ADAM23: variants seen among roughly 807,000 people sequenced by gnomAD.
ADAM23 encodes the protein ADAM metallopeptidase domain 23.
Under a neutral mutation model 120.1 loss-of-function variants are expected in ADAM23, and 33 were observed. The ratio of observed to expected loss-of-function variants is 0.27; its 90% CI spans 0.21 to 0.37. ADAM23 has a LOEUF of 0.37. ADAM23 is among the 10% of genes least tolerant of loss of function. The pLI is 1.00. For missense variants in ADAM23, 862 were observed against 1,058.2 expected (o/e 0.81, Z 2.57); for synonymous variants, 367 against 375.2 (o/e 0.98, Z 0.25).
chr2:206,458,239 G>A (rs150292807), intron 2 of ADAM23, among the ~76,000 whole-genome samples: 1,171 of 73,840 alleles, frequency 0.016, 16 homozygotes, highest in African/African-American at 0.058. Flanking sequence ...CACAGTGCCT[G>A]GCATACAGGA....
chr2:206,550,624 C>T (rs1248184110), intron 9 of ADAM23, among the ~76,000 whole-genome samples: 4 of 134,874 alleles, frequency 3.0e-5, no homozygotes, highest in Admixed American at 1.6e-4. Flanking sequence ...TTTTGTGAGA[C>T]GGAGTCTCGC....
intron 2 of ADAM23, among the ~76,000 whole-genome samples, chr2:206,472,769 C>CT (rs1695687143): frequency 6.6e-6 from 1 of 152,094 alleles, no homozygotes; most frequent in South Asian, 2.1e-4. Flanking sequence ...CCAAGCTTTC[C>CT]TTTTTTCTGT....
chr2:206,590,765 T>C (rs1698410530), intron 21 of ADAM23, among the ~76,000 whole-genome samples: 2 of 152,178 alleles, frequency 1.3e-5, no homozygotes, highest in African/African-American at 4.8e-5. Context: ...TTCCAAGGTG[T>C]TGATCCTCAG....
At chr2:206,523,554 T>A (rs1696887365) in intron 3 of ADAM23, among the ~76,000 whole-genome samples, 1 of 152,228 alleles carries the variant, frequency 6.6e-6, no homozygotes, top group Admixed American at 6.5e-5. Flanking sequence ...CTGTATTGTT[T>A]ACACTCAAAG....
intron 3 of ADAM23, among the ~76,000 whole-genome samples, chr2:206,511,846 A>G (rs1173644327): frequency 6.6e-6 from 1 of 152,172 alleles, no homozygotes; most frequent in Non-Finnish European, 1.5e-5. Context: ...TTATCTGTGC[A>G]AGGAATCCAA....
chr2:206,609,776 A>C, intron 24 of ADAM23, 134 bp from the exon 25 acceptor site: 1 of 685,944 alleles, frequency 1.5e-6, no homozygotes, highest in Non-Finnish European at 2.4e-6. Flanking sequence ...AAGCTAAGTA[A>C]ATAAAGGCAA....
chr2:206,599,492 A>G (rs577272059), intron 24 of ADAM23, among the ~76,000 whole-genome samples: 2 of 152,204 alleles, frequency 1.3e-5, no homozygotes, highest in Non-Finnish European at 2.9e-5. Context: ...ATATCTTTTT[A>G]ACCTCTATTT....
Position 206,548,343 on chromosome 2 carries a change from A to C in ADAM23, c.856A>C (p.Arg286=), listed in dbSNP as rs372850321. The change falls in exon 8 of 26, where the codon AGA becomes CGA. Residue 286 remains arginine (R), a synonymous_variant. Coordinates refer to ENST00000264377, the MANE Select transcript of ADAM23 (RefSeq NM_003812.4). ...SELQWLKRRK[R]AVNPSRGIFE... The stretch of plus-strand genomic sequence containing the variant: ...ATTACAGTGGTTGAAAAGAAGGAAG[A>C]GAGCAGTGAATGTGAGTGTGGCATT... 53 of 1,609,492 alleles carry C rather than the reference A, an allele frequency of 3.3e-5. No individual in the cohort carries two copies. The highest frequency in any genetic ancestry group is 4.0e-5 in the Non-Finnish European group (47 of 1,179,948).
At chr2:206,571,695 C>T (rs1197371623) in intron 16 of ADAM23, 32 bp from the exon 17 acceptor site, 3 of 1,553,190 alleles carry the variant, frequency 1.9e-6, no homozygotes, top group East Asian at 2.2e-5. Flanking sequence ...AGGTAAGGCT[C>T]TTCGCTTACT....
At chr2:206,486,902 A>T (rs1696024541) in intron 3 of ADAM23, among the ~76,000 whole-genome samples, 1 of 152,136 alleles carries the variant, frequency 6.6e-6, no homozygotes, top group South Asian at 2.1e-4. Flanking sequence ...CTTCTTCCTT[A>T]GGCCCCTGGT....
chr2:206,444,240 C>T (rs1300122874), intron 1 of ADAM23, among the ~76,000 whole-genome samples, 160 bp downstream of exon 1: 1 of 152,242 alleles, frequency 6.6e-6, no homozygotes, highest in East Asian at 1.9e-4. Flanking sequence ...AACCCCCATT[C>T]ATCCCAGTTC....
At chr2:206,486,267 C>G (rs1216282997) in intron 3 of ADAM23, among the ~76,000 whole-genome samples, 1 of 151,978 alleles carries the variant, frequency 6.6e-6, no homozygotes, top group African/African-American at 2.4e-5. Flanking sequence ...TTTAGTGTTT[C>G]CTCTAAAATA....
At chr2:206,542,995 A>G (rs923472953) in intron 5 of ADAM23, among the ~76,000 whole-genome samples, 1 of 152,226 alleles carries the variant, frequency 6.6e-6, no homozygotes, top group Non-Finnish European at 1.5e-5. Context: ...TGAATTTCAA[A>G]CATCAGTTAT....
chr2:206,519,146 C>A (rs1696795127), intron 3 of ADAM23, among the ~76,000 whole-genome samples: 1 of 152,116 alleles, frequency 6.6e-6, no homozygotes, highest in Non-Finnish European at 1.5e-5. Context: ...TCCTGGGTGC[C>A]TGTTTAGTTC....
intron 2 of ADAM23, among the ~76,000 whole-genome samples, chr2:206,467,495 C>G (rs1354958221): frequency 1.3e-5 from 2 of 152,238 alleles, no homozygotes; most frequent in African/African-American, 4.8e-5. Context: ...TGTCTCCCAT[C>G]CAGGGCACAC....
intron 18 of ADAM23, among the ~76,000 whole-genome samples, chr2:206,574,392 G>A (rs2105833894): frequency 6.7e-6 from 1 of 148,618 alleles, no homozygotes; most frequent in East Asian, 2.0e-4. Flanking sequence ...GGAAAGTTTG[G>A]TGTGGTTTTC....
At chr2:206,552,093 C>G (rs1697539314) in intron 9 of ADAM23, among the ~76,000 whole-genome samples, 1 of 152,098 alleles carries the variant, frequency 6.6e-6, no homozygotes, top group Non-Finnish European at 1.5e-5. Flanking sequence ...GATTCTCAAT[C>G]TTGAGCATTG....
intron 3 of ADAM23, among the ~76,000 whole-genome samples, chr2:206,528,349 G>C (rs1248259798): frequency 7.2e-5 from 11 of 152,154 alleles, no homozygotes. Flanking sequence ...TTCAGTAATT[G>C]TCATTACTTT....
intron 11 of ADAM23, among the ~76,000 whole-genome samples, chr2:206,560,796 A>G (rs976223395): frequency 3.3e-5 from 5 of 152,124 alleles, no homozygotes; most frequent in Non-Finnish European, 5.9e-5. Context: ...GCAATTTTTA[A>G]TAATCAGCAA....
Sources: gnomAD v4.1 joint callset for allele counts (sites outside exome capture counted in the v4.1 genomes callset) on GRCh38, gnomAD v4.1.1 for gene constraint, MANE v1.5 for transcripts, NCBI Gene and HGNC (gene_info 2026-07-23, HGNC 2026-07-21) for gene names.